The following SLC24A3 variants were observed in gnomAD, a reference collection of about 807,000 sequenced individuals.
SLC24A3 encodes the protein solute carrier family 24 member 3, also known as sodium/potassium/calcium exchanger 3.
Under a neutral mutation model 75.8 loss-of-function variants are expected in SLC24A3, and 28 were observed. The observed-to-expected ratio is 0.37, with a 90% confidence interval of 0.27 to 0.51. The LOEUF is 0.51. Ranked by LOEUF, SLC24A3 falls within the 20% of genes least tolerant of loss-of-function variation. SLC24A3 has a pLI of 0.94. For missense variants in SLC24A3, 663 were observed against 847.8 expected (o/e 0.78, Z 2.71); for synonymous variants, 372 against 334.1 (o/e 1.11, Z -1.24).
intron 9 of SLC24A3, 47 bp downstream of exon 9, chr20:19,673,701 C>T (rs1025586592): frequency 6.6e-7 from 1 of 1,506,442 alleles, no homozygotes; most frequent in South Asian, 1.1e-5. Flanking sequence ...TCTTGCATTC[C>T]ACATTATGTG....
At chr20:19,259,749 A>G (rs1450978149) in intron 1 of SLC24A3, among the ~76,000 whole-genome samples, 1 of 152,238 alleles carries the variant, frequency 6.6e-6, no homozygotes, top group Non-Finnish European at 1.5e-5. Flanking sequence ...TCAACCATAC[A>G]GAAACATCAA....
Position 19,711,175 on chromosome 20 carries a change from GTA to G in SLC24A3, c.1720-6352_1720-6351del, listed in dbSNP as rs1012214173. On this transcript the variant is annotated intron_variant, in intron 15 of 16. Transcript: ENST00000328041. ...CACACATGCAAACATGCAGGCAAAC[GTA>G]CACACACACGCATCCACACATGCAA... is the stretch of plus-strand genomic sequence containing the variant. 3.0e-4 allele frequency among the ~76,000 whole-genome samples: 43 copies of G among 144,638 alleles called. No homozygotes were observed. In the South Asian group the frequency reaches 8.8e-3, roughly 30 times the overall value. 94.9% of individuals were successfully genotyped at this position (144,638 alleles called of 152,430 possible). A position where few individuals can be genotyped will look rare whatever the true frequency, so the allele number is the denominator to read the frequency against.
intron 1 of SLC24A3, among the ~76,000 whole-genome samples, chr20:19,237,924 C>T (rs1353739045): frequency 6.6e-6 from 1 of 152,196 alleles, no homozygotes; most frequent in Middle Eastern, 3.2e-3. Flanking sequence ...GCGGCTGTAA[C>T]ATTTTCCTGC....
At position 19,497,815 on chromosome 20, in the gene SLC24A3, T is replaced by A. The variant is rs569941121; in HGVS notation, c.272-17673T>A. Among the ~76,000 whole-genome samples, 4 of 152,322 alleles carry A rather than the reference T, an allele frequency of 2.6e-5. No individual in the cohort carries two copies. The East Asian group carries it at 7.7e-4, about 29-fold the overall frequency. ...ATATTAACATATTAAGAGTTGCTAC[T>A]GTTTCTGCTGGAGAACTTGGCTGTT... On this transcript the variant is annotated intron_variant, in intron 2 of 16. Transcript: ENST00000328041.
intron 2 of SLC24A3, among the ~76,000 whole-genome samples, chr20:19,289,203 A>G (rs1983882656): frequency 6.6e-6 from 1 of 152,096 alleles, no homozygotes. Flanking sequence ...ACCCACTGGC[A>G]CACAATCAAA....
intron 8 of SLC24A3, among the ~76,000 whole-genome samples, chr20:19,671,358 A>G (rs1179882118): frequency 6.6e-6 from 1 of 152,052 alleles, no homozygotes; most frequent in Admixed American, 6.5e-5. Flanking sequence ...GGAAACTTTC[A>G]TTTTTTTTCT....
chr20:19,405,027 C>T (rs544844946), intron 2 of SLC24A3, among the ~76,000 whole-genome samples: 7 of 152,238 alleles, frequency 4.6e-5, no homozygotes, highest in Admixed American at 2.6e-4. Context: ...TGACCACTAG[C>T]CAGTGCCCCA....
At chr20:19,447,385 G>A (rs1049852105) in intron 2 of SLC24A3, among the ~76,000 whole-genome samples, 2 of 152,094 alleles carry the variant, frequency 1.3e-5, no homozygotes, top group African/African-American at 4.8e-5. Context: ...TCTGGAGAAT[G>A]AGCATTTTAG....
chr20:19,558,212 A>T (rs1483850272), intron 3 of SLC24A3, among the ~76,000 whole-genome samples: 1 of 152,156 alleles, frequency 6.6e-6, no homozygotes, highest in Non-Finnish European at 1.5e-5. Flanking sequence ...TTTTACACAA[A>T]GAAAATATCA....
intron 2 of SLC24A3, among the ~76,000 whole-genome samples, chr20:19,450,655 C>T (rs975284600): frequency 6.6e-6 from 1 of 152,218 alleles, no homozygotes; most frequent in African/African-American, 2.4e-5. Context: ...ATGATGATCA[C>T]AGCCTTGTGG....
intron 2 of SLC24A3, among the ~76,000 whole-genome samples, chr20:19,507,762 T>A (rs1019132823): frequency 8.5e-5 from 13 of 152,186 alleles, no homozygotes; most frequent in Non-Finnish European, 1.0e-4. Context: ...CCACCAGAGT[T>A]GGGATCTAGT....
chr20:19,582,897 A>G (rs1301867603), intron 4 of SLC24A3, among the ~76,000 whole-genome samples: 2 of 152,174 alleles, frequency 1.3e-5, no homozygotes, highest in Non-Finnish European at 2.9e-5. Flanking sequence ...GGAAAGGTGA[A>G]GTCGGATGGG....
At chr20:19,494,528 G>A (rs1988254017) in intron 2 of SLC24A3, among the ~76,000 whole-genome samples, 1 of 152,132 alleles carries the variant, frequency 6.6e-6, no homozygotes, top group Non-Finnish European at 1.5e-5. Context: ...GGGAGATTTG[G>A]GGGAAGGAAA....
At chr20:19,462,787 A>G (rs1274332516) in intron 2 of SLC24A3, among the ~76,000 whole-genome samples, 1 of 152,166 alleles carries the variant, frequency 6.6e-6, no homozygotes, top group Non-Finnish European at 1.5e-5. Flanking sequence ...ATGGAAATGC[A>G]TTAGCCTGGA....
At chr20:19,532,118 G>C (rs1320670435) in intron 3 of SLC24A3, among the ~76,000 whole-genome samples, 1 of 152,208 alleles carries the variant, frequency 6.6e-6, no homozygotes, top group Non-Finnish European at 1.5e-5. Flanking sequence ...GCCTTGAGCA[G>C]TGGACATGTT....
intron 2 of SLC24A3, among the ~76,000 whole-genome samples, chr20:19,503,976 G>A (rs1210023769): frequency 6.6e-6 from 1 of 152,090 alleles, no homozygotes; most frequent in Non-Finnish European, 1.5e-5. Flanking sequence ...TTCATTTTAG[G>A]ACTTGGTTAG....
At chr20:19,381,347 G>A (rs761327657) in intron 2 of SLC24A3, among the ~76,000 whole-genome samples, 4 of 152,134 alleles carry the variant, frequency 2.6e-5, no homozygotes, top group South Asian at 4.2e-4. Flanking sequence ...TCTGGCAGAC[G>A]GTAATAAGAG....
At chr20:19,483,014 C>T (rs118107967) in intron 2 of SLC24A3, among the ~76,000 whole-genome samples, 3,255 of 152,338 alleles carry the variant, frequency 0.021, 47 homozygotes, top group South Asian at 0.044. Context: ...GTCTTGCTGG[C>T]TTTGCTCACG....
chr20:19,321,505 G>A (rs919377991), intron 2 of SLC24A3, among the ~76,000 whole-genome samples: 4 of 152,152 alleles, frequency 2.6e-5, no homozygotes, highest in African/African-American at 7.2e-5. Flanking sequence ...CTCATGCTAC[G>A]TAACTTCAAT....
Sources: allele counts gnomAD v4.1 joint callset (sites outside exome capture counted in the v4.1 genomes callset), GRCh38; gene constraint gnomAD v4.1.1; transcripts MANE v1.5; gene names NCBI Gene and HGNC (gene_info 2026-07-23, HGNC 2026-07-21).